PKD2: variants seen among roughly 807,000 people sequenced by gnomAD.
PKD2 encodes polycystin 2, transient receptor potential cation channel.
A neutral mutation model predicts 105.9 loss-of-function variants in PKD2; 48 were observed. The ratio of observed to expected loss-of-function variants is 0.45; its 90% CI spans 0.36 to 0.58. The LOEUF (loss-of-function observed/expected upper bound fraction) is 0.58. PKD2 is among the 20% of genes least tolerant of loss of function. The pLI is 0.00. For synonymous variants in PKD2, 464 were observed against 481.1 expected (o/e 0.96, Z 0.46); for missense variants, 1,078 against 1,255.3 (o/e 0.86, Z 2.13).
chr4:88,051,243 T>G (rs1179031276), intron 6 of PKD2, among the ~76,000 whole-genome samples: 1 of 152,234 alleles, frequency 6.6e-6, no homozygotes, highest in Non-Finnish European at 1.5e-5. Context: ...CAGGCCTTCT[T>G]GAGCCCTCTG....
intron 12 of PKD2, 76 bp from the exon 13 acceptor site, chr4:88,067,822 C>A: frequency 7.7e-7 from 1 of 1,292,678 alleles, no homozygotes; most frequent in Non-Finnish European, 1.1e-6. Context: ...CCAGTTCCTG[C>A]TTGCCCAAGT....
intron 10 of PKD2, among the ~76,000 whole-genome samples, chr4:88,062,344 A>G (rs573891450): frequency 8.2e-4 from 125 of 152,316 alleles, no homozygotes; most frequent in African/African-American, 2.9e-3. Flanking sequence ...AATAAACTAG[A>G]AGGGAAGATT....
At position 88,025,724 on chromosome 4, in the gene PKD2, C is replaced by T. The variant is rs115417485; in HGVS notation, c.709+6153C>T. Among the ~76,000 whole-genome samples, 819 of 152,244 alleles carry T rather than the reference C, an allele frequency of 5.4e-3. 5 individuals carry two copies. The highest frequency in any genetic ancestry group is 0.018 in the African/African-American group (761 of 41,526). ...CAGATCTCATCTCCAATTGTAATCC[C>T]CGTGTATTGACGGAGGTTCCTGGTA... On this transcript the variant is annotated intron_variant, in intron 2 of 14. Transcript: ENST00000237596.
chr4:88,026,629 G>A lies in PKD2; in HGVS notation c.709+7058G>A, dbSNP rs530732101. ...GGCTGGAGAAATTTGCATAAGTAAC[G>A]AGGAGCTGAATGTGAGTTGCCAAGA... On this transcript the variant is annotated intron_variant, in intron 2 of 14. Transcript: ENST00000237596. Among the ~76,000 whole-genome samples the A allele has an allele frequency of 7.9e-5, 12 of 152,304 alleles. No homozygotes were observed. In the South Asian group the frequency reaches 1.5e-3, roughly 18 times the overall value.
intron 6 of PKD2, among the ~76,000 whole-genome samples, 156 bp downstream of exon 6, chr4:88,047,026 A>G (rs1250434149): frequency 6.6e-6 from 1 of 152,084 alleles, no homozygotes; most frequent in Non-Finnish European, 1.5e-5. Flanking sequence ...TTATTTTCTC[A>G]TTTTGCATGA....
chr4:88,038,624 A>G, intron 4 of PKD2, 123 bp downstream of exon 4: 1 of 995,708 alleles, frequency 1.0e-6, no homozygotes, highest in East Asian at 2.4e-5. Flanking sequence ...GTGACTCTTC[A>G]GTGCTTATAT....
intron 8 of PKD2, among the ~76,000 whole-genome samples, chr4:88,057,714 G>A (rs1560621584): frequency 6.6e-6 from 1 of 152,078 alleles, no homozygotes; most frequent in Admixed American, 6.6e-5. Flanking sequence ...GATTACAGAC[G>A]TGATCCACCG....
intron 9 of PKD2, among the ~76,000 whole-genome samples, chr4:88,059,559 CTTT>C (rs1720486939): frequency 6.6e-6 from 1 of 152,068 alleles, no homozygotes; most frequent in African/African-American, 2.4e-5. Context: ...GAATGTGGTC[CTTT>C]AGTAGGCAGC....
chr4:88,038,272 G>A lies in PKD2; in HGVS notation c.865G>A (p.Asp289Asn), dbSNP rs748914485. 3 of 1,614,112 alleles carry A rather than the reference G, an allele frequency of 1.9e-6. No homozygotes were observed. The highest frequency in any genetic ancestry group is 1.1e-5 in the South Asian group (1 of 91,072). Residue 289 changes from aspartate (D) to asparagine (N), a missense_variant, in exon 4 of 15, where the codon GAT (aspartate) becomes AAT (asparagine). This residue lies in a region of PKD2 where 868 missense variants were observed against 1,067.3 expected (regional missense o/e 0.81). Coordinates refer to ENST00000237596, the MANE Select transcript of PKD2 (RefSeq NM_000297.4). ...TTAGTTCACAGAAGGCTCCTTATTG[G>A]ATGGGCTGTACTGGAAGATGCAGCC... ...FWKFTEGSLLDGLYWKMQPSN... is the reference protein window; with the variant it reads ...FWKFTEGSLLNGLYWKMQPSN...
chr4:88,033,210 T>G (rs892358821), intron 2 of PKD2, among the ~76,000 whole-genome samples: 6 of 152,256 alleles, frequency 3.9e-5, no homozygotes, highest in Admixed American at 1.3e-4. Flanking sequence ...GAGGATCACT[T>G]GAGCTCACAA....
intron 13 of PKD2, 62 bp downstream of exon 13, chr4:88,068,123 C>A: frequency 1.6e-6 from 2 of 1,268,648 alleles, no homozygotes; most frequent in Non-Finnish European, 1.2e-6. Context: ...CCAGGCAGTT[C>A]CCTCATCTCT....
chr4:88,068,064 A>C lies in PKD2; in HGVS notation c.2522+3A>C. On this transcript the variant is annotated splice_donor_region_variant and intron_variant, in intron 13 of 14. Coordinates refer to ENST00000237596, the MANE Select transcript of PKD2 (RefSeq NM_000297.4). ...GTTTCTTACGAAGAGTTTCAAGTGT[A>C]AGTATAAAGGAATTGGCAGAATTTG... The C allele has an allele frequency of 6.2e-7, 1 of 1,613,594 alleles. No homozygotes were observed. The highest frequency in any genetic ancestry group is 8.5e-7 in the Non-Finnish European group (1 of 1,179,490).
chr4:88,038,528 C>A (rs377540879), intron 4 of PKD2, 27 bp downstream of exon 4: 1 of 1,609,838 alleles, frequency 6.2e-7, no homozygotes. Flanking sequence ...CATTGCCACT[C>A]GGTGATATTC....
intron 2 of PKD2, among the ~76,000 whole-genome samples, chr4:88,023,621 G>C (rs1726845816): frequency 6.6e-6 from 1 of 152,166 alleles, no homozygotes; most frequent in South Asian, 2.1e-4. Flanking sequence ...CTGCTAACAT[G>C]CTAGGTAAAT....
intron 13 of PKD2, among the ~76,000 whole-genome samples, chr4:88,072,248 G>A (rs1454973500): frequency 6.6e-6 from 1 of 151,948 alleles, no homozygotes; most frequent in Non-Finnish European, 1.5e-5. Context: ...CTCACAAAAG[G>A]CCGGGATTAC....
intron 2 of PKD2, among the ~76,000 whole-genome samples, chr4:88,020,665 C>G (rs1726715927): frequency 6.6e-6 from 1 of 151,834 alleles, no homozygotes; most frequent in Non-Finnish European, 1.5e-5. Context: ...CTACCAAACT[C>G]CTCTGAGAAA....
intron 1 of PKD2, among the ~76,000 whole-genome samples, chr4:88,013,990 G>A (rs910456886): frequency 2.0e-5 from 3 of 152,154 alleles, no homozygotes; most frequent in Non-Finnish European, 4.4e-5. Flanking sequence ...GTAGAGGATA[G>A]GGTGAGGTGG....
chr4:88,026,818 T>G (rs1726974950), intron 2 of PKD2, among the ~76,000 whole-genome samples: 1 of 152,200 alleles, frequency 6.6e-6, no homozygotes, highest in African/African-American at 2.4e-5. Flanking sequence ...TTCCAGCCAC[T>G]CCAGCTCCAG....
chr4:88,038,153 A>G, intron 3 of PKD2, 98 bp from the exon 4 acceptor site: 3 of 1,226,684 alleles, frequency 2.4e-6, no homozygotes, highest in Non-Finnish European at 2.4e-6. Context: ...TACTATTTTC[A>G]TAGAGTTGCC....
Sources: allele counts gnomAD v4.1 joint callset (sites outside exome capture counted in the v4.1 genomes callset), GRCh38; gene constraint gnomAD v4.1.1; regional missense constraint gnomAD v4.1.1; transcripts MANE v1.5; gene names NCBI Gene and HGNC (gene_info 2026-07-23, HGNC 2026-07-21).